Variants in SEPTIN7 observed in about 807,000 individuals in gnomAD.
SEPTIN7 encodes the protein septin 7, also known as septin-7.
SEPTIN7 carries 10 observed loss-of-function variants against 63.3 expected under a neutral mutation model. The ratio of observed to expected loss-of-function variants is 0.16; its 90% CI spans 0.10 to 0.27. SEPTIN7 has a LOEUF of 0.27. Ranked by LOEUF, SEPTIN7 falls within the 10% of genes least tolerant of loss-of-function variation. The pLI is 1.00. For synonymous variants in SEPTIN7, 131 were observed against 165.3 expected (o/e 0.79, Z 1.59); for missense variants, 310 against 521.0 (o/e 0.59, Z 3.94).
chr7:35,834,750 A>G (rs1252376799), intron 3 of SEPTIN7, among the ~76,000 whole-genome samples: 7 of 152,060 alleles, frequency 4.6e-5, no homozygotes, highest in African/African-American at 1.7e-4. Flanking sequence ...ATGTTGATTT[A>G]TTTTTCAGAT....
At chr7:35,877,132 A>T (rs929261961) in intron 6 of SEPTIN7, among the ~76,000 whole-genome samples, 5 of 152,066 alleles carry the variant, frequency 3.3e-5, no homozygotes, top group African/African-American at 1.2e-4. Flanking sequence ...ATAAAAATGG[A>T]TAGGTTCTTT....
chr7:35,848,369 G>A (rs1230782978), intron 3 of SEPTIN7, among the ~76,000 whole-genome samples: 7 of 151,890 alleles, frequency 4.6e-5, no homozygotes, highest in Non-Finnish European at 8.8e-5. Flanking sequence ...CCGGGTTCAC[G>A]CCATTCTCCT....
intron 3 of SEPTIN7, among the ~76,000 whole-genome samples, chr7:35,849,256 T>C (rs985294928): frequency 1.3e-5 from 2 of 152,186 alleles, no homozygotes; most frequent in African/African-American, 4.8e-5. Context: ...TCCCAGTTTT[T>C]TTGGCACCAG....
intron 13 of SEPTIN7, 54 bp from the exon 14 acceptor site, chr7:35,904,200 T>TATC: frequency 2.2e-6 from 3 of 1,345,396 alleles, no homozygotes; most frequent in Non-Finnish European, 3.0e-6. Flanking sequence ...TCATGTTGTC[T>TATC]ATCATGTTTA....
At chr7:35,853,076 T>C (rs1356922362) in intron 3 of SEPTIN7, among the ~76,000 whole-genome samples, 1 of 152,184 alleles carries the variant, frequency 6.6e-6, no homozygotes, top group Non-Finnish European at 1.5e-5. Flanking sequence ...TTCTCTCTTC[T>C]TCCTGTTCTA....
At chr7:35,882,850 TA>T (rs1562574657) in intron 8 of SEPTIN7, among the ~76,000 whole-genome samples, 1 of 152,060 alleles carries the variant, frequency 6.6e-6, no homozygotes, top group African/African-American at 2.4e-5. Flanking sequence ...TTTTTTCTCT[TA>T]AAAAACAAGT....
In SEPTIN7 at chr7:35,907,024, T is replaced by G. The variant is rs538248020; in HGVS notation, c.*2731T>G. 3 of 152,350 alleles carry G rather than the reference T, an allele frequency of 2.0e-5. No homozygotes were observed. The highest frequency in any genetic ancestry group is 7.2e-5 in the African/African-American group (3 of 41,570). 9.4% of individuals were successfully genotyped at this position (152,350 alleles called of 1,614,324 possible). A position where few individuals can be genotyped will look rare whatever the true frequency, so the allele number is the denominator to read the frequency against. On this transcript the variant is annotated 3_prime_UTR_variant, in exon 14 of 14. Coordinates refer to ENST00000350320, the MANE Select transcript of SEPTIN7 (RefSeq NM_001788.6). ...TTATATGTATTGAACAATGAAAATA[T>G]GTGTCAACAAATGTACTGCTACACT...
intron 4 of SEPTIN7, among the ~76,000 whole-genome samples, chr7:35,867,408 G>A (rs1785872584): frequency 6.6e-6 from 1 of 152,086 alleles, no homozygotes; most frequent in Middle Eastern, 3.2e-3. Flanking sequence ...GGAGTATAGT[G>A]GCGCGATCTC....
At chr7:35,845,118 G>T (rs1030156293) in intron 3 of SEPTIN7, among the ~76,000 whole-genome samples, 2 of 151,460 alleles carry the variant, frequency 1.3e-5, no homozygotes, top group African/African-American at 4.9e-5. Flanking sequence ...GAACTTGTGG[G>T]TGTAGGATGG....
chr7:35,825,075 C>A (rs1783432260), intron 1 of SEPTIN7, among the ~76,000 whole-genome samples: 1 of 152,014 alleles, frequency 6.6e-6, no homozygotes, highest in Non-Finnish European at 1.5e-5. Flanking sequence ...TTTATTTTTC[C>A]CCTGAGCAGC....
downstream of SEPTIN7, among the ~76,000 whole-genome samples, chr7:35,907,824 A>G (rs1237452894): frequency 3.3e-5 from 5 of 152,192 alleles, no homozygotes; most frequent in African/African-American, 4.8e-5. Context: ...TGTAACTTCT[A>G]TGAATGTTTT....
At chr7:35,856,907 A>G (rs76252786) in intron 3 of SEPTIN7, among the ~76,000 whole-genome samples, 10,779 of 152,298 alleles carry the variant, frequency 0.071, 428 homozygotes, top group South Asian at 0.18. Flanking sequence ...AATTATAGGA[A>G]AAAATAATTA....
chr7:35,843,979 TA>T (rs1223839031), intron 3 of SEPTIN7, among the ~76,000 whole-genome samples: 1 of 152,216 alleles, frequency 6.6e-6, no homozygotes, highest in African/African-American at 2.4e-5. Context: ...AATTGTTTAT[TA>T]TGTTACAGAT....
chr7:35,907,626 T>TA (rs888246824), downstream of SEPTIN7, among the ~76,000 whole-genome samples: 6 of 152,268 alleles, frequency 3.9e-5, no homozygotes, highest in East Asian at 3.9e-4. Flanking sequence ...GCTTAAATAT[T>TA]ACGCCTTGCA....
At chr7:35,877,784 G>A (rs778898458) in intron 6 of SEPTIN7, among the ~76,000 whole-genome samples, 9 of 152,106 alleles carry the variant, frequency 5.9e-5, no homozygotes, top group African/African-American at 9.7e-5. Context: ...TAGATACCAC[G>A]CTGGGTGCTG....
chr7:35,897,799 A>G (rs1361746483), intron 11 of SEPTIN7, among the ~76,000 whole-genome samples: 1 of 152,122 alleles, frequency 6.6e-6, no homozygotes, highest in African/African-American at 2.4e-5. Context: ...ATAAATAATA[A>G]TTTTTGTGTT....
chr7:35,908,165 G>A (rs1402462427), downstream of SEPTIN7, among the ~76,000 whole-genome samples: 2 of 152,138 alleles, frequency 1.3e-5, no homozygotes, highest in Non-Finnish European at 2.9e-5. Context: ...ATGCCGAGAT[G>A]GTTTATCAGA....
At chr7:35,859,448 A>C (rs1415401162) in intron 3 of SEPTIN7, among the ~76,000 whole-genome samples, 1 of 152,222 alleles carries the variant, frequency 6.6e-6, no homozygotes, top group African/African-American at 2.4e-5. Context: ...TGTCCTTGAG[A>C]AAAGTGTGTA....
At chr7:35,804,119 CTG>C (rs1788174642) in intron 1 of SEPTIN7, among the ~76,000 whole-genome samples, 1 of 152,134 alleles carries the variant, frequency 6.6e-6, no homozygotes, top group Admixed American at 6.5e-5. Flanking sequence ...AAATTAAAGA[CTG>C]TTAAGTCCGT....
Sources: gnomAD v4.1 joint callset for allele counts (sites outside exome capture counted in the v4.1 genomes callset) on GRCh38, gnomAD v4.1.1 for gene constraint, MANE v1.5 for transcripts, NCBI Gene and HGNC (gene_info 2026-07-23, HGNC 2026-07-21) for gene names.